The following TCF12 variants were observed in gnomAD, a reference collection of about 807,000 sequenced individuals.
TCF12 encodes DNA-binding protein HTF4.
A neutral mutation model predicts 86.0 loss-of-function variants in TCF12; 45 were observed. The ratio of observed to expected loss-of-function variants is 0.52; its 90% confidence interval spans 0.41 to 0.67. The LOEUF (loss-of-function observed/expected upper bound fraction) is 0.67, where lower values mean the gene tolerates loss of function less well. Ranked by LOEUF, TCF12 falls within the 30% of genes least tolerant of loss-of-function variation. The pLI, the probability that TCF12 is intolerant of heterozygous loss-of-function variation, is 0.00. For synonymous variants in TCF12, 330 were observed against 299.6 expected (o/e 1.10, Z -1.05); for missense variants, 881 against 859.9 (o/e 1.02, Z -0.31).
intron 3 of TCF12, among the ~76,000 whole-genome samples, chr15:57,038,293 G>A (rs2066644811): frequency 6.6e-6 from 1 of 152,042 alleles, no homozygotes; most frequent in Admixed American, 6.6e-5. Flanking sequence ...CTGGACATGA[G>A]GGTGCCTGCC....
intron 3 of TCF12, among the ~76,000 whole-genome samples, chr15:56,987,414 CTAAT>C (rs1210149959): frequency 2.0e-5 from 3 of 152,144 alleles, no homozygotes; most frequent in Admixed American, 2.0e-4. Context: ...CGTGCCTGGC[CTAAT>C]TAGTTACTTT....
intron 19 of TCF12, among the ~76,000 whole-genome samples, chr15:57,279,396 C>G (rs1301158221): frequency 1.3e-5 from 2 of 152,110 alleles, no homozygotes; most frequent in Non-Finnish European, 2.9e-5. Flanking sequence ...TAGAATTCCC[C>G]TAATTGAAAT....
At chr15:57,091,478 A>G (rs1320614655) in intron 4 of TCF12, among the ~76,000 whole-genome samples, 1 of 152,216 alleles carries the variant, frequency 6.6e-6, no homozygotes, top group African/African-American at 2.4e-5. Flanking sequence ...GTAATAGTTT[A>G]CAGAATTCTT....
chr15:57,012,621 A>G (rs1267691569), intron 3 of TCF12, among the ~76,000 whole-genome samples: 1 of 152,212 alleles, frequency 6.6e-6, no homozygotes, highest in Non-Finnish European at 1.5e-5. Flanking sequence ...GCAGGATTGG[A>G]CAGAGGGAAA....
chr15:57,059,660 A>C (rs574104841), intron 3 of TCF12, among the ~76,000 whole-genome samples: 1 of 120,776 alleles, frequency 8.3e-6, no homozygotes, highest in Admixed American at 1.2e-4. Flanking sequence ...AGTCTCACCA[A>C]TTCTTTAATG....
At chr15:57,265,068 AATAGTATAGTATAGTATAGTATAGT>A (rs71113096) in intron 18 of TCF12, among the ~76,000 whole-genome samples, 2,247 of 139,708 alleles carry the variant, frequency 0.016, 32 homozygotes, top group South Asian at 0.023. Flanking sequence ...TCTAATGATA[AATAGTATAGTATAGTATAGTATAGT>A]ATAGTATAGT....
intron 5 of TCF12, chr15:57,134,619 T>C (rs542303473): frequency 4.6e-5 from 7 of 152,324 alleles, no homozygotes; most frequent in Non-Finnish European, 1.0e-4. Context: ...TTAGCAATTA[T>C]GAGACAACTG....
At chr15:57,166,511 C>T (rs1224999923) in intron 6 of TCF12, 45 bp downstream of exon 6, 4 of 1,518,730 alleles carry the variant, frequency 2.6e-6, no homozygotes, top group African/African-American at 1.4e-5. Context: ...TTTTTAAACA[C>T]ATAAATAAAG....
At chr15:57,106,014 A>G (rs1043336802) in intron 5 of TCF12, among the ~76,000 whole-genome samples, 73 of 152,206 alleles carry the variant, frequency 4.8e-4, no homozygotes, top group African/African-American at 1.6e-3. Context: ...AATTAGAGAA[A>G]AGGTTGAGTA....
intron 5 of TCF12, among the ~76,000 whole-genome samples, chr15:57,097,803 G>C (rs997176476): frequency 3.3e-5 from 5 of 152,138 alleles, no homozygotes; most frequent in Admixed American, 3.3e-4. Flanking sequence ...TGAGAGAAAG[G>C]AGCCTAGATA....
At chr15:57,115,827 C>T (rs1012283777) in intron 5 of TCF12, among the ~76,000 whole-genome samples, 2 of 146,180 alleles carry the variant, frequency 1.4e-5, no homozygotes, top group Non-Finnish European at 3.0e-5. Flanking sequence ...GTTTAGCACC[C>T]TAAGCACCAG....
intron 4 of TCF12, among the ~76,000 whole-genome samples, chr15:57,084,630 T>TTTAGTACTGAGGATGTAGA (rs1195694869): frequency 1.3e-5 from 2 of 152,148 alleles, no homozygotes; most frequent in Non-Finnish European, 2.9e-5. Context: ...GGACCACATT[T>TTTAGTACTGAGGATGTAGA]TTAGTACTGA....
chr15:57,215,668 A>G (rs2058303110), intron 8 of TCF12, among the ~76,000 whole-genome samples: 1 of 152,176 alleles, frequency 6.6e-6, no homozygotes, highest in Admixed American at 6.5e-5. Flanking sequence ...TTAACCACTA[A>G]CTGGCCTATG....
rs1433575767 is a variant in TCF12, at chr15:57,117,135, AG to A, written c.325+25247del. Among the ~76,000 whole-genome samples, 18 of 151,488 alleles carry A rather than the reference AG, an allele frequency of 1.2e-4. No homozygotes were observed. The East Asian group carries it at 3.3e-3, about 28-fold the overall frequency. On this transcript the variant is annotated intron_variant, in intron 5 of 20. Transcript: ENST00000333725. ...TTTTCTTTCTTTTTCATTTTGAGAC[AG>A]GGTTTTGCTCTGCCCACCTCTGCCT...
At chr15:57,202,038 A>G (rs2057567196) in intron 8 of TCF12, among the ~76,000 whole-genome samples, 1 of 152,192 alleles carries the variant, frequency 6.6e-6, no homozygotes, top group Non-Finnish European at 1.5e-5. Flanking sequence ...GCAAGACTTC[A>G]TGTGTGAGGA....
At chr15:57,233,386 G>T (rs867869470) in intron 11 of TCF12, among the ~76,000 whole-genome samples, 1 of 151,458 alleles carries the variant, frequency 6.6e-6, no homozygotes, top group African/African-American at 2.4e-5. Flanking sequence ...TTATGTGGCC[G>T]GGGCTGGTCT....
chr15:57,170,641 T>TAA lies in TCF12; in HGVS notation c.390+4176_390+4177dup, dbSNP rs747041451. Among the ~76,000 whole-genome samples the TAA allele has an allele frequency of 8.1e-5, 4 of 49,304 alleles. No homozygotes were observed. In the African/African-American group the frequency reaches 9.5e-4, roughly 12 times the overall value. 32.3% of individuals were successfully genotyped at this position (49,304 alleles called of 152,430 possible). A position where few individuals can be genotyped will look rare whatever the true frequency, so the allele number is the denominator to read the frequency against. ...GCCCTGCTAATTTTATATATATATA[T>TAA]AATATATATATTATATAAAATATAT... is the stretch of plus-strand genomic sequence containing the variant. On this transcript the variant is annotated intron_variant, in intron 6 of 20. Transcript: ENST00000333725.
intron 4 of TCF12, among the ~76,000 whole-genome samples, chr15:57,072,917 A>AT (rs2069534129): frequency 1.3e-5 from 2 of 152,222 alleles, no homozygotes; most frequent in African/African-American, 2.4e-5. Context: ...ATAAATTATA[A>AT]CCTAAATGTT....
intron 3 of TCF12, among the ~76,000 whole-genome samples, chr15:56,976,224 C>CTTTTTTTTTTTTTTTTTTTTTTTTTT (rs35959497): frequency 1.7e-5 from 1 of 57,380 alleles, no homozygotes; most frequent in African/African-American, 7.1e-5. Flanking sequence ...AAGGAAGTTT[C>CTTTTTTTTTTTTTTTTTTTTTTTTTT]TTTTTTTTTT....
Sources: allele counts gnomAD v4.1 joint callset (sites outside exome capture counted in the v4.1 genomes callset), GRCh38; gene constraint gnomAD v4.1.1; transcripts MANE v1.5; gene names NCBI Gene and HGNC (gene_info 2026-07-23, HGNC 2026-07-21).